Variants in ARHGEF7 observed in about 807,000 individuals in gnomAD.
ARHGEF7 encodes the protein PAK-interacting exchange factor beta.
In ARHGEF7, 33 loss-of-function variants were observed where a neutral mutation model predicts 109.8. The observed-to-expected ratio is 0.30, with a 90% CI of 0.23 to 0.40. The LOEUF (loss-of-function observed/expected upper bound fraction) is 0.40, where lower values mean the gene tolerates loss of function less well. Among genes scored for constraint, ARHGEF7 ranks in the 10% least tolerant of loss-of-function variants. ARHGEF7 has a pLI of 1.00. For synonymous variants in ARHGEF7, 458 were observed against 424.6 expected, an observed-to-expected ratio of 1.08 and a Z score of -0.97; for missense variants, 938 against 1,098.5, an observed-to-expected ratio of 0.85 and a Z score of 2.07.
Position 111,174,465 on chromosome 13 carries a change from C to T in ARHGEF7, c.252+20474C>T, listed in dbSNP as rs560561236. 7.2e-5 allele frequency among the ~76,000 whole-genome samples: 11 copies of T among 152,318 alleles called. No individual in the cohort carries two copies. The South Asian group carries it at 1.2e-3, about 17-fold the overall frequency. On this transcript the variant is annotated intron_variant, in intron 2 of 21. Coordinates refer to ENST00000646102, the MANE Select transcript of ARHGEF7 (RefSeq NM_001354046.2). ...AGGCCATCTTGCTGTCTTCTGTCAT[C>T]TCCTTGTCTGTCTCCCTTTCTTGCT...
intron 2 of ARHGEF7, among the ~76,000 whole-genome samples, chr13:111,204,923 G>A (rs529933377): frequency 6.6e-6 from 1 of 152,312 alleles, no homozygotes; most frequent in Admixed American, 6.5e-5. Flanking sequence ...CCTTGCCTGG[G>A]GCCTCTGTGT....
At chr13:111,261,306 A>G (rs1383461411) in intron 8 of ARHGEF7, among the ~76,000 whole-genome samples, 1 of 152,228 alleles carries the variant, frequency 6.6e-6, no homozygotes, top group Non-Finnish European at 1.5e-5. Flanking sequence ...GGAACCAAAA[A>G]GAGCAGGAGT....
chr13:111,243,727 AATG>A, intron 6 of ARHGEF7, 142 bp from the exon 7 acceptor site: 1 of 600,188 alleles, frequency 1.7e-6, no homozygotes, highest in South Asian at 2.3e-5. Context: ...AATTGCAAAG[AATG>A]ATGATGATAC....
chr13:111,274,447 A>T (rs9522173), intron 10 of ARHGEF7, among the ~76,000 whole-genome samples: 49,291 of 152,012 alleles, frequency 0.32, 8,590 homozygotes, highest in Non-Finnish European at 0.39. Flanking sequence ...GCCATTTTAG[A>T]TACTGTATGT....
intron 1 of ARHGEF7, among the ~76,000 whole-genome samples, chr13:111,117,030 C>A (rs2066836407): frequency 6.6e-6 from 1 of 152,168 alleles, no homozygotes; most frequent in East Asian, 1.9e-4. Context: ...ACTTTCAAGG[C>A]ATTCAAAATA....
chr13:111,267,237 A>AT (rs2091727792), intron 8 of ARHGEF7, among the ~76,000 whole-genome samples: 1 of 152,204 alleles, frequency 6.6e-6, no homozygotes, highest in African/African-American at 2.4e-5. Context: ...TCCTTATTTT[A>AT]TGCAAAGCTG....
At chr13:111,251,469 G>A (rs1405517343) in intron 8 of ARHGEF7, among the ~76,000 whole-genome samples, 1 of 152,162 alleles carries the variant, frequency 6.6e-6, no homozygotes, top group Non-Finnish European at 1.5e-5. Flanking sequence ...GCACTCTTCT[G>A]TAAAAGGAAC....
rs1271939392 is a variant in ARHGEF7, at chr13:111,131,131, A to G, written c.165+15440A>G. Among the ~76,000 whole-genome samples, 4 of 152,228 alleles carry G rather than the reference A, an allele frequency of 2.6e-5. No individual in the cohort carries two copies. Among genetic ancestry groups the G allele is most frequent in the African/African-American group, 9.6e-5 (4 of 41,456 alleles). The stretch of plus-strand genomic sequence containing the variant: ...CATAGCGTGGAGAACAGATGAAATG[A>G]GCCCAGGATGGAGGATGTGAAGATG... On this transcript the variant is annotated intron_variant, in intron 1 of 21. Transcript: ENST00000646102. The surrounding 1 kb of genome is among the most constrained non-coding windows in gnomAD (Gnocchi z 4.4).
At chr13:111,139,472 CT>C in intron 1 of ARHGEF7, among the ~76,000 whole-genome samples, 2 of 152,258 alleles carry the variant, frequency 1.3e-5, no homozygotes, top group Non-Finnish European at 2.9e-5. Flanking sequence ...CACAGGAGGC[CT>C]CCAGAGCGTG....
chr13:111,201,930 T>C (rs1381416374), intron 2 of ARHGEF7, among the ~76,000 whole-genome samples: 2 of 152,246 alleles, frequency 1.3e-5, no homozygotes, highest in Non-Finnish European at 2.9e-5. Flanking sequence ...GGGCTTCTTT[T>C]ATCCCTGATT....
intron 9 of ARHGEF7, among the ~76,000 whole-genome samples, chr13:111,269,094 G>T (rs983739539): frequency 6.6e-6 from 1 of 152,200 alleles, no homozygotes; most frequent in Non-Finnish European, 1.5e-5. Context: ...TTGGGAGCGT[G>T]GGCCATGTCC....
At chr13:111,140,000 T>C (rs923866463) in intron 1 of ARHGEF7, among the ~76,000 whole-genome samples, 1 of 152,284 alleles carries the variant, frequency 6.6e-6, no homozygotes, top group Non-Finnish European at 1.5e-5. Flanking sequence ...TTCGGGATAG[T>C]TCCTGTCTTA....
At chr13:111,276,369 T>A (rs112083303) in intron 12 of ARHGEF7, among the ~76,000 whole-genome samples, 3 of 152,226 alleles carry the variant, frequency 2.0e-5, no homozygotes, top group Admixed American at 6.5e-5. Context: ...TTCAAACTTA[T>A]ATAGTGTGTT....
At chr13:111,161,487 C>G (rs1006072587) in intron 2 of ARHGEF7, among the ~76,000 whole-genome samples, 8 of 152,166 alleles carry the variant, frequency 5.3e-5, no homozygotes, top group Non-Finnish European at 1.2e-4. Context: ...GTGAGGATTA[C>G]ATAAATTCAT....
At chr13:111,235,171 G>A (rs986410899) in intron 6 of ARHGEF7, among the ~76,000 whole-genome samples, 1 of 152,178 alleles carries the variant, frequency 6.6e-6, no homozygotes, top group African/African-American at 2.4e-5. Flanking sequence ...CTTCTGTTAT[G>A]GTTCAGGTCC....
intron 2 of ARHGEF7, among the ~76,000 whole-genome samples, chr13:111,167,211 C>T (rs759686451): frequency 3.9e-5 from 6 of 152,108 alleles, no homozygotes; most frequent in Non-Finnish European, 7.3e-5. Context: ...GGTCATATAG[C>T]GTGAAAGTTG....
chr13:111,281,844 C>T (rs1393043392), intron 15 of ARHGEF7, among the ~76,000 whole-genome samples: 1 of 152,196 alleles, frequency 6.6e-6, no homozygotes, highest in Non-Finnish European at 1.5e-5. Context: ...CACTGTGCCT[C>T]ATGTTTAAAA....
In ARHGEF7 at chr13:111,147,509, G is replaced by A. The variant is rs1595024147; in HGVS notation, c.166-6396G>A. Among the ~76,000 whole-genome samples the A allele has an allele frequency of 3.9e-5, 6 of 152,164 alleles. 1 individual carries two copies. Among genetic ancestry groups the A allele is most frequent in the Admixed American group, 3.9e-4 (6 of 15,290 alleles). On this transcript the variant is annotated intron_variant, in intron 1 of 21. Coordinates refer to ENST00000646102, the MANE Select transcript of ARHGEF7 (RefSeq NM_001354046.2). Reference sequence around the variant, plus strand: ...AGCTTCTTCAGCGAAATATTAAAGGGACTTTCAGCCATCTTGTTTGTATCA... The same window carrying A: ...AGCTTCTTCAGCGAAATATTAAAGGAACTTTCAGCCATCTTGTTTGTATCA...
At chr13:111,122,976 C>T (rs1029375128) in intron 1 of ARHGEF7, among the ~76,000 whole-genome samples, 1 of 152,166 alleles carries the variant, frequency 6.6e-6, no homozygotes, top group Non-Finnish European at 1.5e-5. Context: ...GTATAGAGGT[C>T]AGCCTCCCAG....
Sources: gnomAD v4.1 joint callset for allele counts (sites outside exome capture counted in the v4.1 genomes callset) on GRCh38, gnomAD v4.1.1 for gene constraint, Gnocchi (gnomAD v3.1) non-coding constraint, MANE v1.5 for transcripts, NCBI Gene and HGNC (gene_info 2026-07-23, HGNC 2026-07-21) for gene names.